The following RORB variants were observed in gnomAD, a reference collection of about 807,000 sequenced individuals.
RORB encodes the protein RAR related orphan receptor B, also known as nuclear receptor ROR-beta.
In RORB, 6 loss-of-function variants were observed where a neutral mutation model predicts 59.1. The observed-to-expected ratio is 0.10, with a 90% confidence interval of 0.06 to 0.20. The LOEUF (loss-of-function observed/expected upper bound fraction) is 0.20, where lower values mean the gene tolerates loss of function less well. Among genes scored for constraint, RORB ranks in the 10% least tolerant of loss-of-function variants. RORB has a pLI of 1.00. For missense variants in RORB, 320 were observed against 560.5 expected (o/e 0.57, Z 4.33); for synonymous variants, 215 against 204.5 (o/e 1.05, Z -0.44).
intron 1 of RORB, among the ~76,000 whole-genome samples, chr9:74,551,509 G>T (rs959653006): frequency 2.0e-5 from 3 of 152,172 alleles, no homozygotes; most frequent in African/African-American, 7.2e-5. Flanking sequence ...GATGACAAGA[G>T]ATTTCAACAC....
At chr9:74,584,948 T>C (rs973927806) in intron 1 of RORB, among the ~76,000 whole-genome samples, 4 of 152,014 alleles carry the variant, frequency 2.6e-5, no homozygotes, top group Non-Finnish European at 5.9e-5. Flanking sequence ...CAAAAACAAA[T>C]GCTATGGAAT....
At chr9:74,590,718 G>A (rs1437459997) in intron 1 of RORB, among the ~76,000 whole-genome samples, 1 of 152,166 alleles carries the variant, frequency 6.6e-6, no homozygotes, top group African/African-American at 2.4e-5. Flanking sequence ...ATACATCGTT[G>A]CCCTTTAGGA....
chr9:74,632,525 C>A (rs188084243), intron 2 of RORB, among the ~76,000 whole-genome samples: 1 of 152,272 alleles, frequency 6.6e-6, no homozygotes, highest in East Asian at 1.9e-4. Context: ...AGCTTGTGCA[C>A]TTATTCAAAT....
chr9:74,603,478 A>C (rs1057320682), intron 1 of RORB, among the ~76,000 whole-genome samples: 2 of 152,202 alleles, frequency 1.3e-5, no homozygotes, highest in African/African-American at 4.8e-5. Flanking sequence ...GCACAAGTCC[A>C]AAGCCCATGC....
chr9:74,549,254 T>C (rs1178290397), intron 1 of RORB, among the ~76,000 whole-genome samples: 3 of 151,986 alleles, frequency 2.0e-5, no homozygotes, highest in Non-Finnish European at 4.4e-5. Context: ...GAGACCAGCC[T>C]GGCTAACACG....
chr9:74,686,864 A>C lies in RORB; in HGVS notation c.*1246A>C, dbSNP rs1341783748. ...TGCTATAATATAAAAATGTAGCAAA[A>C]ACTTGACAGACTAGAAAAAAAAAGA... On this transcript the variant is annotated 3_prime_UTR_variant, in exon 10 of 10. Transcript: ENST00000376896. The C allele has an allele frequency of 1.3e-5, 2 of 152,518 alleles. No individual in the cohort carries two copies. Among genetic ancestry groups the C allele is most frequent in the Admixed American group, 1.3e-4 (2 of 15,276 alleles). The allele number at this position is 152,518 out of a possible 1,614,324, so 9.4% of individuals were successfully genotyped here. A position where few individuals can be genotyped will look rare whatever the true frequency, so the allele number is the denominator to read the frequency against.
intron 9 of RORB, among the ~76,000 whole-genome samples, chr9:74,680,465 T>C (rs1397546377): frequency 3.9e-5 from 6 of 152,154 alleles, no homozygotes; most frequent in African/African-American, 1.4e-4. Flanking sequence ...CTCAGTCTGG[T>C]TTCCTATTCC....
chr9:74,654,353 AGAG>A (rs1563965340), intron 4 of RORB, among the ~76,000 whole-genome samples: 1 of 151,262 alleles, frequency 6.6e-6, no homozygotes, highest in Non-Finnish European at 1.5e-5. Context: ...AGAGAGAGAG[AGAG>A]AGAGAGAGAG....
intron 1 of RORB, among the ~76,000 whole-genome samples, chr9:74,624,133 T>G (rs1451623301): frequency 6.6e-6 from 1 of 152,182 alleles, no homozygotes; most frequent in African/African-American, 2.4e-5. Flanking sequence ...GTCATTATCA[T>G]ATGGTAGTAA....
At chr9:74,545,870 T>C (rs1177981505) in intron 1 of RORB, among the ~76,000 whole-genome samples, 3 of 152,214 alleles carry the variant, frequency 2.0e-5, no homozygotes, top group Non-Finnish European at 4.4e-5. Flanking sequence ...GATGGACCTT[T>C]CGTAGAGCCT....
At chr9:74,637,595 C>T (rs200157868) in intron 3 of RORB, among the ~76,000 whole-genome samples, 35 of 132,760 alleles carry the variant, frequency 2.6e-4, no homozygotes, top group African/African-American at 9.3e-4. Context: ...TTATTTTTTT[C>T]TTTTACCTAC....
At chr9:74,552,947 G>A (rs1223621498) in intron 1 of RORB, among the ~76,000 whole-genome samples, 2 of 152,132 alleles carry the variant, frequency 1.3e-5, no homozygotes, top group Non-Finnish European at 2.9e-5. Flanking sequence ...TTTCAGACAG[G>A]TGTTTTTGGT....
chr9:74,626,847 G>A (rs1181979883), intron 1 of RORB, among the ~76,000 whole-genome samples: 6 of 152,210 alleles, frequency 3.9e-5, no homozygotes, highest in African/African-American at 1.4e-4. Context: ...GTGAAATGCT[G>A]TCTGGAAGAT....
At position 74,676,350 on chromosome 9, in the gene RORB, T is replaced by C. The variant is rs1369660081; in HGVS notation, c.1224+4449T>C. On this transcript the variant is annotated intron_variant, in intron 9 of 9. Coordinates refer to ENST00000376896, the MANE Select transcript of RORB (RefSeq NM_006914.4). ...TCTTGCCCAAAGCTGTATTGAGAAG[T>C]TTGAAAATAGCTAACTCTATAACAA... Among the ~76,000 whole-genome samples, 3 of 152,316 alleles carry C rather than the reference T, an allele frequency of 2.0e-5. No individual in the cohort carries two copies. The East Asian group carries it at 5.8e-4, about 29-fold the overall frequency.
chr9:74,614,315 T>A lies in RORB; in HGVS notation c.8-15967T>A, dbSNP rs570552113. Among the ~76,000 whole-genome samples the A allele has an allele frequency of 2.0e-5, 3 of 152,328 alleles. No homozygotes were observed. The East Asian group carries it at 5.8e-4, about 29-fold the overall frequency. The stretch of plus-strand genomic sequence containing the variant: ...CAAAGAGATTAAAATTTCCCCTTTA[T>A]ACCTTTGTGTATGTTATGATTTGTT... On this transcript the variant is annotated intron_variant, in intron 1 of 9. Transcript: ENST00000376896.
chr9:74,637,308 T>G (rs1218608418), intron 3 of RORB, among the ~76,000 whole-genome samples: 2 of 152,226 alleles, frequency 1.3e-5, no homozygotes, highest in Non-Finnish European at 2.9e-5. Context: ...GGAAATAGCT[T>G]AAAATAACTG....
intron 1 of RORB, among the ~76,000 whole-genome samples, chr9:74,518,329 G>T (rs1299308465): frequency 6.6e-6 from 1 of 151,930 alleles, no homozygotes; most frequent in Non-Finnish European, 1.5e-5. Context: ...TCTTTCTACC[G>T]AATGGGCATT....
chr9:74,511,241 A>G (rs1201101723), intron 1 of RORB, among the ~76,000 whole-genome samples: 2 of 152,110 alleles, frequency 1.3e-5, no homozygotes, highest in African/African-American at 2.4e-5. Context: ...GGTACTGGGG[A>G]TAAAATGGTA....
At chr9:74,683,289 T>A (rs1824578210) in intron 9 of RORB, among the ~76,000 whole-genome samples, 1 of 152,180 alleles carries the variant, frequency 6.6e-6, no homozygotes, top group Non-Finnish European at 1.5e-5. Flanking sequence ...TCTCCTTCTG[T>A]GTGAGCCAGC....
Sources: allele counts gnomAD v4.1 joint callset (sites outside exome capture counted in the v4.1 genomes callset), GRCh38; gene constraint gnomAD v4.1.1; transcripts MANE v1.5; gene names NCBI Gene and HGNC (gene_info 2026-07-23, HGNC 2026-07-21).